Variants in GLIS3 observed in about 807,000 individuals in gnomAD.
GLIS3 encodes zinc finger protein GLIS3.
A neutral mutation model predicts 78.6 loss-of-function variants in GLIS3; 53 were observed. That is an observed-to-expected ratio of 0.67 (90% CI 0.54 to 0.85). The LOEUF (loss-of-function observed/expected upper bound fraction) is 0.85. Ranked by LOEUF, GLIS3 falls within the 40% of genes least tolerant of loss-of-function variation. The probability of loss-of-function intolerance (pLI) is 0.00; values close to 1 mark genes in which losing one functional copy is unlikely to be tolerated. For synonymous variants in GLIS3, 684 were observed against 509.9 expected, an observed-to-expected ratio of 1.34 and a Z score of -4.60; for missense variants, 1,703 against 1,231.1, an observed-to-expected ratio of 1.38 and a Z score of -5.74.
chr9:4,350,772 G>T (rs547596820), upstream of GLIS3, among the ~76,000 whole-genome samples: 4 of 100,802 alleles, frequency 4.0e-5, no homozygotes, highest in Admixed American at 3.5e-4. Flanking sequence ...AAAATGCCTT[G>T]GGGTAAAAAA....
the GLIS3 span, among the ~76,000 whole-genome samples, chr9:4,405,876 C>G: frequency 3.3e-5 from 5 of 152,210 alleles, no homozygotes; most frequent in East Asian, 9.7e-4. Context: ...TCATTATGAT[C>G]AAATGGGATT....
the GLIS3 span, among the ~76,000 whole-genome samples, chr9:4,404,910 C>A: frequency 8.6e-5 from 13 of 151,732 alleles, no homozygotes; most frequent in Admixed American, 1.3e-4. Flanking sequence ...GAAGACAATA[C>A]AAAAGACCAA....
At chr9:3,932,982 C>T in intron 5 of GLIS3, 2 of 251,952 alleles carry the variant, frequency 7.9e-6, no homozygotes, top group Non-Finnish European at 1.6e-5. Flanking sequence ...GAGTAAGAGA[C>T]AGTAGGTTTC....
At chr9:4,061,579 T>C (rs761839309) in intron 4 of GLIS3, among the ~76,000 whole-genome samples, 36 of 152,278 alleles carry the variant, frequency 2.4e-4, no homozygotes, top group Non-Finnish European at 4.4e-4. Context: ...AATGGTTTAA[T>C]TGGACACTTA....
the GLIS3 span, among the ~76,000 whole-genome samples, chr9:4,402,540 C>A: frequency 6.6e-6 from 1 of 152,132 alleles, no homozygotes; most frequent in African/African-American, 2.4e-5. Flanking sequence ...GAATTCAAAA[C>A]ACCTATTTTG....
At chr9:4,394,591 A>G in the GLIS3 span, among the ~76,000 whole-genome samples, 17 of 152,198 alleles carry the variant, frequency 1.1e-4, no homozygotes, top group Non-Finnish European at 2.4e-4. Context: ...CAGGTTAAGT[A>G]TATCTGAGAA....
chr9:4,244,924 C>T (rs1003806526), intron 2 of GLIS3, among the ~76,000 whole-genome samples: 1 of 152,074 alleles, frequency 6.6e-6, no homozygotes, highest in African/African-American at 2.4e-5. Context: ...GAGTGGTTTA[C>T]AAATATTTTT....
the GLIS3 span, among the ~76,000 whole-genome samples, chr9:4,426,643 A>C: frequency 6.6e-6 from 1 of 152,230 alleles, no homozygotes; most frequent in Non-Finnish European, 1.5e-5. Context: ...TCCATCATGG[A>C]TTATTTGGGC....
At chr9:4,171,997 G>T (rs759336803) in intron 2 of GLIS3, among the ~76,000 whole-genome samples, 1 of 151,994 alleles carries the variant, frequency 6.6e-6, no homozygotes, top group Non-Finnish European at 1.5e-5. Context: ...TGGTAGTTTG[G>T]TTTTTTTAAT....
At chr9:4,445,194 G>A in the GLIS3 span, among the ~76,000 whole-genome samples, 2 of 152,134 alleles carry the variant, frequency 1.3e-5, no homozygotes, top group Non-Finnish European at 2.9e-5. Flanking sequence ...TGGTCAATCA[G>A]GAACATACTA....
At chr9:4,201,808 T>A (rs914185994) in intron 2 of GLIS3, among the ~76,000 whole-genome samples, 1 of 152,174 alleles carries the variant, frequency 6.6e-6, no homozygotes, top group African/African-American at 2.4e-5. Flanking sequence ...AGCTAATAAC[T>A]TCATTTTTCA....
At chr9:3,840,325 A>G (rs1818635716) in intron 9 of GLIS3, among the ~76,000 whole-genome samples, 1 of 152,112 alleles carries the variant, frequency 6.6e-6, no homozygotes, top group Non-Finnish European at 1.5e-5. Flanking sequence ...TTTGGTTATC[A>G]TTTTTGCCTT....
At chr9:4,280,854 A>G (rs1006476133) in intron 2 of GLIS3, among the ~76,000 whole-genome samples, 2 of 152,060 alleles carry the variant, frequency 1.3e-5, no homozygotes, top group African/African-American at 4.8e-5. Flanking sequence ...GACCAGAGAG[A>G]GCGGAGTGGC....
intron 2 of GLIS3, among the ~76,000 whole-genome samples, chr9:4,162,727 C>G (rs189916886): frequency 1.3e-5 from 2 of 151,926 alleles, no homozygotes; most frequent in African/African-American, 4.8e-5. Context: ...CATAGTGGCA[C>G]ACACCTGTAA....
the GLIS3 span, among the ~76,000 whole-genome samples, chr9:4,381,947 G>C: frequency 6.6e-6 from 1 of 152,200 alleles, no homozygotes; most frequent in Non-Finnish European, 1.5e-5. Context: ...ACCATCCTTG[G>C]CAGTCCCAGC....
At chr9:4,378,609 T>TAA in the GLIS3 span, among the ~76,000 whole-genome samples, 12 of 152,090 alleles carry the variant, frequency 7.9e-5, no homozygotes, top group East Asian at 3.9e-4. Flanking sequence ...ACTATATATA[T>TAA]AATGAAAACA....
chr9:4,460,784 G>A, the GLIS3 span, among the ~76,000 whole-genome samples: 1 of 152,118 alleles, frequency 6.6e-6, no homozygotes, highest in Non-Finnish European at 1.5e-5. Flanking sequence ...ATTTGTCCTT[G>A]TTCTTTCTTT....
chr9:4,472,328 T>G, the GLIS3 span, among the ~76,000 whole-genome samples: 6 of 152,194 alleles, frequency 3.9e-5, no homozygotes, highest in Non-Finnish European at 8.8e-5. Context: ...TGTGGCACTA[T>G]TCACAATAGC....
At chr9:4,146,033 A>C (rs1834199639) in intron 2 of GLIS3, among the ~76,000 whole-genome samples, 1 of 152,162 alleles carries the variant, frequency 6.6e-6, no homozygotes. Flanking sequence ...AACCTATAAA[A>C]CCTATATATT....
Sources: allele counts gnomAD v4.1 joint callset (sites outside exome capture counted in the v4.1 genomes callset), GRCh38; gene constraint gnomAD v4.1.1; transcripts MANE v1.5; gene names NCBI Gene and HGNC (gene_info 2026-07-23, HGNC 2026-07-21).